Variants in OR2G3 observed in about 807,000 individuals in gnomAD.
OR2G3 encodes olfactory receptor 2G3.
For missense variants in OR2G3, 375 were observed against 364.4 expected (o/e 1.03, Z -0.24); for synonymous variants, 154 against 144.5 (o/e 1.07, Z -0.47).
chr1:247,606,432 C>T lies in OR2G3; in HGVS notation c.847C>T (p.Pro283Ser), dbSNP rs747951872. The T allele has an allele frequency of 3.1e-6, 5 of 1,613,516 alleles. No individual in the cohort carries two copies. Among genetic ancestry groups the T allele is most frequent in the East Asian group, 2.2e-5 (1 of 44,888 alleles). The change falls in exon 1 of 1, where the codon CCC (proline) becomes TCC (serine). Residue 283 changes from proline (P) to serine (S), a missense_variant. By Grantham distance (74) the Pro-to-Ser change is moderately conservative. Transcript: ENST00000320002. Reference sequence around the variant, plus strand: ...CTCCCTCTTCTACACCATGGTGACCCCCACTTTAAATCCTATCATCTATAC... The same window carrying T: ...CTCCCTCTTCTACACCATGGTGACCTCCACTTTAAATCCTATCATCTATAC... ...FISLFYTMVT[P>S]TLNPIIYTLR...
chr1:247,606,085 C>T lies in OR2G3; in HGVS notation c.500C>T (p.Pro167Leu). Residue 167 changes from proline (P) to leucine (L), a missense_variant, in exon 1 of 1, where the codon CCT (proline) becomes CTT (leucine). Physicochemically the swap from Pro to Leu is moderately conservative, Grantham distance 98. Coordinates refer to ENST00000320002, the MANE Select transcript of OR2G3 (RefSeq NM_001001914.1). ...CATGCAACTTTTACCTTGCAATTGC[C>T]TCTCTGTGGCAACCATAGGCTGGAC... ...LIHATFTLQL[P>L]LCGNHRLDHF... The T allele has an allele frequency of 1.2e-6, 2 of 1,614,214 alleles. No homozygotes were observed. Among genetic ancestry groups the T allele is most frequent in the Non-Finnish European group, 1.7e-6 (2 of 1,180,048 alleles).
chr1:247,605,725 T>A lies in OR2G3; in HGVS notation c.140T>A (p.Ile47Asn), dbSNP rs1006278556. The change falls in exon 1 of 1, where the codon ATC becomes AAC. Residue 47 changes from isoleucine to asparagine, a missense_variant. Ile to Asn is a moderately radical substitution (Grantham distance 149). Transcript: ENST00000320002. ...CTTGTGGGAAACTTCACCATAATCA[T>A]CATCTCATATCTGGATCCCCCTCTT... ...LTLVGNFTII[I>N]ISYLDPPLHT... is the part of the protein sequence containing the mutation. The A allele has an allele frequency of 1.2e-6, 2 of 1,613,960 alleles. No individual in the cohort carries two copies. Among genetic ancestry groups the A allele is most frequent in the Non-Finnish European group, 1.7e-6 (2 of 1,179,956 alleles).
chr1:247,606,026 C>A lies in OR2G3; in HGVS notation c.441C>A (p.Ile147=). Residue 147 remains isoleucine, a synonymous_variant, in exon 1 of 1, where the codon ATC becomes ATA. Coordinates refer to ENST00000320002, the MANE Select transcript of OR2G3 (RefSeq NM_001001914.1). ...NPRLCQQLAS[I]SWLSGLASSL... Reference sequence around the variant, plus strand: ...GGCTTTGCCAACAGCTGGCATCTATCTCCTGGCTCAGTGGTTTGGCTAGTT... The same window carrying A: ...GGCTTTGCCAACAGCTGGCATCTATATCCTGGCTCAGTGGTTTGGCTAGTT... The A allele has an allele frequency of 6.2e-7, 1 of 1,614,182 alleles. No individual in the cohort carries two copies. Among genetic ancestry groups the A allele is most frequent in the Non-Finnish European group, 8.5e-7 (1 of 1,180,030 alleles).
In OR2G3 at chr1:247,605,898, C is replaced by T; in HGVS notation, c.313C>T (p.Leu105=). ...TTGTGTGGCGCAACTCTATATTTCT[C>T]TGGCACTGGGCTCCACTGAATGTAT... The part of the protein sequence containing the change: ...GGCVAQLYIS[L]ALGSTECILL... The change falls in exon 1 of 1, where the codon CTG becomes TTG. Residue 105 remains leucine, a synonymous_variant. Coordinates refer to ENST00000320002, the MANE Select transcript of OR2G3 (RefSeq NM_001001914.1). 1 of 1,614,200 alleles carries T rather than the reference C, an allele frequency of 6.2e-7. No individual in the cohort carries two copies. Among genetic ancestry groups the T allele is most frequent in the South Asian group, 1.1e-5 (1 of 91,084 alleles).
In OR2G3 at chr1:247,606,023, T is replaced by C. The variant is rs202175139; in HGVS notation, c.438T>C (p.Ser146=). The change falls in exon 1 of 1, where the codon TCT becomes TCC. Residue 146 remains serine (S), a synonymous_variant. Coordinates refer to ENST00000320002, the MANE Select transcript of OR2G3 (RefSeq NM_001001914.1). ...CACGGCTTTGCCAACAGCTGGCATC[T>C]ATCTCCTGGCTCAGTGGTTTGGCTA... ...MNPRLCQQLA[S]ISWLSGLASS... is the part of the protein sequence containing the mutation. 52 of 1,614,188 alleles carry C rather than the reference T, an allele frequency of 3.2e-5. 1 individual carries two copies. In the South Asian group the frequency reaches 4.8e-4, roughly 15 times the overall value.
Position 247,605,781 on chromosome 1 carries a change from C to T in OR2G3, c.196C>T (p.Leu66Phe). Residue 66 changes from leucine to phenylalanine, a missense_variant, in exon 1 of 1, where the codon CTC becomes TTC. Transcript: ENST00000320002. ...HTPMYFFLSN[L>F]SLLDICFTTS... Reference sequence around the variant, plus strand: ...CCCAATGTACTTTTTTCTCAGCAACCTCTCTTTACTGGACATCTGCTTCAC... The same window carrying T: ...CCCAATGTACTTTTTTCTCAGCAACTTCTCTTTACTGGACATCTGCTTCAC... The T allele has an allele frequency of 6.2e-7, 1 of 1,613,954 alleles. No individual in the cohort carries two copies. The highest frequency in any genetic ancestry group is 8.5e-7 in the Non-Finnish European group (1 of 1,179,886).
At position 247,606,485 on chromosome 1, in the gene OR2G3, T is replaced by A; in HGVS notation, c.900T>A (p.Ala300=). 3 of 1,605,404 alleles carry A rather than the reference T, an allele frequency of 1.9e-6. No homozygotes were observed. Among genetic ancestry groups the A allele is most frequent in the Non-Finnish European group, 1.7e-6 (2 of 1,176,566 alleles). ...TAAGGAACAAGGATATGAAAGAGGC[T>A]CTGAGGAAACTTCTCTCGGGAAAAT... ...YTLRNKDMKE[A]LRKLLSGKL is the part of the protein sequence containing the mutation. The change falls in exon 1 of 1, where the codon GCT becomes GCA. Residue 300 remains alanine, a synonymous_variant. Transcript: ENST00000320002.
Position 247,605,977 on chromosome 1 carries a change from A to G in OR2G3, c.392A>G (p.His131Arg). 2 of 1,614,006 alleles carry G rather than the reference A, an allele frequency of 1.2e-6. No homozygotes were observed. The highest frequency in any genetic ancestry group is 1.7e-6 in the Non-Finnish European group (2 of 1,179,996). ...TACATTGCTGTCTGCAAACCCCTCC[A>G]CTATGTAGTCATCATGAACCCACGG... The part of the protein sequence containing the change: ...DRYIAVCKPL[H>R]YVVIMNPRLC... Residue 131 changes from histidine to arginine, a missense_variant, in exon 1 of 1, where the codon CAC becomes CGC. By Grantham distance (29) the His-to-Arg change is conservative. Transcript: ENST00000320002.
chr1:247,605,858 G>A lies in OR2G3; in HGVS notation c.273G>A (p.Thr91=), dbSNP rs370419534. The part of the protein sequence containing the change: ...TLVNLQRPKK[T]ITYGGCVAQL... The stretch of plus-strand genomic sequence containing the variant: ...TTAACTTGCAAAGACCAAAGAAGAC[G>A]ATCACTTACGGTGGTTGTGTGGCGC... Residue 91 remains threonine, a synonymous_variant, in exon 1 of 1, where the codon ACG becomes ACA. Transcript: ENST00000320002. 36 of 1,614,002 alleles carry A rather than the reference G, an allele frequency of 2.2e-5. No individual in the cohort carries two copies. Among genetic ancestry groups the A allele is most frequent in the Admixed American group, 2.0e-4 (12 of 60,006 alleles).
chr1:247,605,676 G>A lies in OR2G3; in HGVS notation c.91G>A (p.Val31Ile), dbSNP rs77435457. 6.2e-7 allele frequency: 1 copy of A among 1,613,726 alleles called. No individual in the cohort carries two copies. Among genetic ancestry groups the A allele is most frequent in the Non-Finnish European group, 8.5e-7 (1 of 1,179,738 alleles). Residue 31 changes from valine (V) to isoleucine (I), a missense_variant, in exon 1 of 1, where the codon GTC (valine) becomes ATC (isoleucine). Physicochemically the swap from Val to Ile is conservative, Grantham distance 29 (BLOSUM62 3). Coordinates refer to ENST00000320002, the MANE Select transcript of OR2G3 (RefSeq NM_001001914.1). ...TCTGGAGGCTGTTCTCTTTGTATTT[G>A]TCCTTTTCTTCTACCTCCTGACCCT... Reference protein sequence around the residue: ...PRLEAVLFVFVLFFYLLTLVG... With the variant: ...PRLEAVLFVFILFFYLLTLVG...
chr1:247,606,496 T>A lies in OR2G3; in HGVS notation c.911T>A (p.Leu304His). 2.5e-6 allele frequency: 4 copies of A among 1,600,148 alleles called. No individual in the cohort carries two copies. Among genetic ancestry groups the A allele is most frequent in the Non-Finnish European group, 3.4e-6 (4 of 1,173,848 alleles). Residue 304 changes from leucine (L) to histidine (H), a missense_variant, in exon 1 of 1, where the codon CTT (leucine) becomes CAT (histidine). Physicochemically the swap from Leu to His is moderately conservative, Grantham distance 99. Transcript: ENST00000320002. ...NKDMKEALRK[L>H]LSGKL ...GATATGAAAGAGGCTCTGAGGAAAC[T>A]TCTCTCGGGAAAATTGTGATTCCTA...
In OR2G3 at chr1:247,606,308, C is replaced by G. The variant is rs746044125; in HGVS notation, c.723C>G (p.Cys241Trp). Residue 241 changes from cysteine (C) to tryptophan (W), a missense_variant, in exon 1 of 1, where the codon TGC becomes TGG. Cys to Trp is a radical substitution (Grantham distance 215). Coordinates refer to ENST00000320002, the MANE Select transcript of OR2G3 (RefSeq NM_001001914.1). ...CAAGGCACAAAGCCTTCAGCACCTG[C>G]TCCTCCCACCTTACAGTGGTGATTA... Reference protein sequence around the residue: ...VEARHKAFSTCSSHLTVVIIF... With the variant: ...VEARHKAFSTWSSHLTVVIIF... The G allele has an allele frequency of 6.2e-7, 1 of 1,614,170 alleles. No homozygotes were observed. Among genetic ancestry groups the G allele is most frequent in the East Asian group, 2.2e-5 (1 of 44,868 alleles).
rs61740146 is a variant in OR2G3, at chr1:247,606,117, A to G, written c.532A>G (p.Ile178Val). The G allele has an allele frequency of 2.4e-4, 381 of 1,614,114 alleles. No homozygotes were observed. In the African/African-American group the frequency reaches 4.6e-3, roughly 19 times the overall value. The change falls in exon 1 of 1, where the codon ATT (isoleucine) becomes GTT (valine). Residue 178 changes from isoleucine to valine, a missense_variant. Transcript: ENST00000320002. ...TGGCAACCATAGGCTGGACCATTTTATTTGCGAAGTACCAGCTCTTCTCAA... is the reference window on the plus strand; with the variant it reads ...TGGCAACCATAGGCTGGACCATTTTGTTTGCGAAGTACCAGCTCTTCTCAA... ...LCGNHRLDHF[I>V]CEVPALLKLA...
Position 247,606,324 on chromosome 1 carries a change from G to A in OR2G3, c.739G>A (p.Val247Met), listed in dbSNP as rs200370417. Residue 247 changes from valine to methionine, a missense_variant, in exon 1 of 1, where the codon GTG becomes ATG. By Grantham distance (21) the Val-to-Met change is conservative. Transcript: ENST00000320002. ...AFSTCSSHLT[V>M]VIIFYGTIIY... ...CAGCACCTGCTCCTCCCACCTTACAGTGGTGATTATATTCTATGGCACCAT... is the reference window on the plus strand; with the variant it reads ...CAGCACCTGCTCCTCCCACCTTACAATGGTGATTATATTCTATGGCACCAT... 6.2e-7 allele frequency: 1 copy of A among 1,614,146 alleles called. No homozygotes were observed. Among genetic ancestry groups the A allele is most frequent in the East Asian group, 2.2e-5 (1 of 44,872 alleles).
Position 247,605,754 on chromosome 1 carries a change from A to T in OR2G3, c.169A>T (p.Thr57Ser), listed in dbSNP as rs774858069. 1.1e-5 allele frequency: 17 copies of T among 1,613,778 alleles called. No homozygotes were observed. Among genetic ancestry groups the T allele is most frequent in the Non-Finnish European group, 1.4e-5 (17 of 1,179,954 alleles). The part of the protein sequence containing the change: ...IISYLDPPLH[T>S]PMYFFLSNLS... ...CTCATATCTGGATCCCCCTCTTCATACCCCAATGTACTTTTTTCTCAGCAA... is the reference window on the plus strand; with the variant it reads ...CTCATATCTGGATCCCCCTCTTCATTCCCCAATGTACTTTTTTCTCAGCAA... Residue 57 changes from threonine (T) to serine (S), a missense_variant, in exon 1 of 1, where the codon ACC becomes TCC. Coordinates refer to ENST00000320002, the MANE Select transcript of OR2G3 (RefSeq NM_001001914.1).
rs1254713907 is a variant in OR2G3, at chr1:247,605,712, T to C, written c.127T>C (p.Phe43Leu). ...FFYLLTLVGN[F>L]TIIIISYLDP... ...CTACCTCCTGACCCTTGTGGGAAAC[T>C]TCACCATAATCATCATCTCATATCT... Residue 43 changes from phenylalanine (F) to leucine (L), a missense_variant, in exon 1 of 1, where the codon TTC (phenylalanine) becomes CTC (leucine). Phe to Leu is a conservative substitution (Grantham distance 22). Transcript: ENST00000320002. The C allele has an allele frequency of 6.2e-7, 1 of 1,614,046 alleles. No individual in the cohort carries two copies. Among genetic ancestry groups the C allele is most frequent in the East Asian group, 2.2e-5 (1 of 44,876 alleles).
rs774735428 is a variant in OR2G3 at position 247,605,853 on chromosome 1, A to G, written c.268A>G (p.Lys90Glu). The change falls in exon 1 of 1, where the codon AAG (lysine) becomes GAG (glutamate). Residue 90 changes from lysine to glutamate, a missense_variant. Transcript: ENST00000320002. ...QTLVNLQRPKKTITYGGCVAQ... is the reference protein window; with the variant it reads ...QTLVNLQRPKETITYGGCVAQ... ...CTTAGTTAACTTGCAAAGACCAAAGAAGACGATCACTTACGGTGGTTGTGT... is the reference window on the plus strand; with the variant it reads ...CTTAGTTAACTTGCAAAGACCAAAGGAGACGATCACTTACGGTGGTTGTGT... 6.2e-7 allele frequency: 1 copy of G among 1,614,198 alleles called. No individual in the cohort carries two copies. Among genetic ancestry groups the G allele is most frequent in the South Asian group, 1.1e-5 (1 of 91,088 alleles).
chr1:247,605,831 A>T lies in OR2G3; in HGVS notation c.246A>T (p.Leu82Phe), dbSNP rs1232145483. 3.1e-6 allele frequency: 5 copies of T among 1,613,954 alleles called. No homozygotes were observed. The highest frequency in any genetic ancestry group is 4.2e-6 in the Non-Finnish European group (5 of 1,180,030). ...CFTTSLAPQT[L>F]VNLQRPKKTI... Reference sequence around the variant, plus strand: ...CTACTAGCCTTGCTCCTCAGACCTTAGTTAACTTGCAAAGACCAAAGAAGA... The same window carrying T: ...CTACTAGCCTTGCTCCTCAGACCTTTGTTAACTTGCAAAGACCAAAGAAGA... The change falls in exon 1 of 1, where the codon TTA becomes TTT. Residue 82 changes from leucine to phenylalanine, a missense_variant. Physicochemically the swap from Leu to Phe is conservative, Grantham distance 22. Coordinates refer to ENST00000320002, the MANE Select transcript of OR2G3 (RefSeq NM_001001914.1).
rs749930066 is a variant in OR2G3 at position 247,606,121 on chromosome 1, G to A, written c.536G>A (p.Cys179Tyr). The part of the protein sequence containing the change: ...CGNHRLDHFI[C>Y]EVPALLKLAC... ...AACCATAGGCTGGACCATTTTATTT[G>A]CGAAGTACCAGCTCTTCTCAAGTTG... Residue 179 changes from cysteine to tyrosine, a missense_variant, in exon 1 of 1, where the codon TGC becomes TAC. Physicochemically the swap from Cys to Tyr is radical, Grantham distance 194. Coordinates refer to ENST00000320002, the MANE Select transcript of OR2G3 (RefSeq NM_001001914.1). 3 of 1,614,164 alleles carry A rather than the reference G, an allele frequency of 1.9e-6. No individual in the cohort carries two copies. The highest frequency in any genetic ancestry group is 3.3e-5 in the Admixed American group (2 of 60,026).
Sources: gnomAD v4.1 joint callset for allele counts on GRCh38, gnomAD v4.1.1 for gene constraint, MANE v1.5 for transcripts, NCBI Gene and HGNC (gene_info 2026-07-23, HGNC 2026-07-21) for gene names.